Variants in PFKFB3 observed in about 807,000 individuals in gnomAD.
PFKFB3 encodes the protein 6-phosphofructo-2-kinase/fructose-2,6-bisphosphatase 3.
Under a neutral mutation model 68.0 loss-of-function variants are expected in PFKFB3, and 33 were observed. The observed-to-expected ratio is 0.49, with a 90% CI of 0.37 to 0.65. PFKFB3 has a LOEUF of 0.65. Ranked by LOEUF, PFKFB3 falls within the 30% of genes least tolerant of loss-of-function variation. The pLI is 0.00. For missense variants in PFKFB3, 586 were observed against 712.2 expected, an observed-to-expected ratio of 0.82 and a Z score of 2.02; for synonymous variants, 315 against 288.2, an observed-to-expected ratio of 1.09 and a Z score of -0.94.
At chr10:6,153,590 A>G (rs941488762) in intron 1 of PFKFB3, among the ~76,000 whole-genome samples, 5 of 152,198 alleles carry the variant, frequency 3.3e-5, no homozygotes, top group Non-Finnish European at 7.3e-5. Flanking sequence ...GAGGTGGCTC[A>G]CACCTCTAAT....
At chr10:6,293,310 C>A in the PFKFB3 span, 1 of 349,148 alleles carries the variant, frequency 2.9e-6, no homozygotes. Flanking sequence ...CCATTTCTGG[C>A]TACAGAACTG....
At chr10:6,317,290 G>GC in the PFKFB3 span, among the ~76,000 whole-genome samples, 1 of 152,146 alleles carries the variant, frequency 6.6e-6, no homozygotes, top group Non-Finnish European at 1.5e-5. Flanking sequence ...TGGGTGGCAG[G>GC]CATTCTCTCT....
chr10:6,260,944 T>A, the PFKFB3 span, among the ~76,000 whole-genome samples: 1 of 152,208 alleles, frequency 6.6e-6, no homozygotes, highest in East Asian at 1.9e-4. Context: ...AGGCATGTGT[T>A]CAATTTTGGT....
intron 1 of PFKFB3, among the ~76,000 whole-genome samples, chr10:6,153,744 A>G (rs2131686409): frequency 6.6e-6 from 1 of 152,094 alleles, no homozygotes; most frequent in South Asian, 2.1e-4. Flanking sequence ...AATCCCAGCT[A>G]CTCAGGAGGC....
At chr10:6,151,736 G>A (rs1841594489) in intron 1 of PFKFB3, among the ~76,000 whole-genome samples, 1 of 152,230 alleles carries the variant, frequency 6.6e-6, no homozygotes, top group African/African-American at 2.4e-5. Context: ...CGCTCCCTGA[G>A]AAGTGTGGAC....
upstream of PFKFB3, among the ~76,000 whole-genome samples, chr10:6,199,883 C>A (rs1344187613): frequency 6.6e-6 from 1 of 151,710 alleles, no homozygotes; most frequent in East Asian, 1.9e-4. Context: ...CCAAACAGCT[C>A]AATTGTTCTA....
At chr10:6,325,003 A>G in the PFKFB3 span, among the ~76,000 whole-genome samples, 1 of 151,190 alleles carries the variant, frequency 6.6e-6, no homozygotes, top group South Asian at 2.1e-4. Context: ...TCCCTCTGAC[A>G]CCCAGGCTGG....
chr10:6,300,518 A>G, the PFKFB3 span, among the ~76,000 whole-genome samples: 8 of 152,182 alleles, frequency 5.3e-5, 1 homozygote, highest in Admixed American at 4.6e-4. Flanking sequence ...AGCTGCCTTG[A>G]AAAGTCAAAG....
At chr10:6,254,097 CTTTTTT>C (rs34789693) in intron 14 of PFKFB3, 101 of 331,778 alleles carry the variant, frequency 3.0e-4, no homozygotes, top group Middle Eastern at 3.0e-3. Context: ...TTTCAGATGG[CTTTTTT>C]TTTTTTTTTT....
intron 1 of PFKFB3, among the ~76,000 whole-genome samples, chr10:6,172,828 A>G (rs1345055096): frequency 6.6e-6 from 1 of 151,914 alleles, no homozygotes; most frequent in Non-Finnish European, 1.5e-5. Context: ...TCTCAGAAAA[A>G]AAAAAAAAAG....
intron 14 of PFKFB3, among the ~76,000 whole-genome samples, chr10:6,242,592 ATT>A (rs377078975): frequency 2.5e-4 from 36 of 146,576 alleles, no homozygotes; most frequent in Non-Finnish European, 2.2e-4. Context: ...TTCTGTAAAC[ATT>A]TTTTTTTTTT....
At chr10:6,165,799 A>C (rs1019030667) in intron 1 of PFKFB3, among the ~76,000 whole-genome samples, 2 of 150,056 alleles carry the variant, frequency 1.3e-5, no homozygotes, top group African/African-American at 2.5e-5. Context: ...CCAGTATTTT[A>C]TTTTCTTTTT....
At chr10:6,276,918 A>G in the PFKFB3 span, among the ~76,000 whole-genome samples, 1 of 151,656 alleles carries the variant, frequency 6.6e-6, no homozygotes, top group Non-Finnish European at 1.5e-5. Context: ...CATCACCCAA[A>G]TCAAGATATA....
chr10:6,261,710 T>C, the PFKFB3 span, among the ~76,000 whole-genome samples: 1 of 151,938 alleles, frequency 6.6e-6, no homozygotes, highest in African/African-American at 2.4e-5. Flanking sequence ...AATACAAAAA[T>C]TAGGCCAGGC....
chr10:6,145,436 G>A (rs1200287517), intron 1 of PFKFB3, among the ~76,000 whole-genome samples: 1 of 152,148 alleles, frequency 6.6e-6, no homozygotes, highest in Admixed American at 6.5e-5. Flanking sequence ...GGCGGCACTT[G>A]CAGCGAATTC....
At chr10:6,219,788 TAAAA>T in intron 7 of PFKFB3, 95 bp downstream of exon 7, 1 of 1,392,724 alleles carries the variant, frequency 7.2e-7, no homozygotes, top group Non-Finnish European at 9.8e-7. Flanking sequence ...TGGATACCTT[TAAAA>T]AAATTTTTTT....
the PFKFB3 span, among the ~76,000 whole-genome samples, chr10:6,299,159 T>C: frequency 6.6e-6 from 1 of 152,246 alleles, no homozygotes; most frequent in African/African-American, 2.4e-5. Flanking sequence ...AAAGCATTAA[T>C]GGCTCACTCT....
At chr10:6,211,530 A>G (rs1415185685) in intron 1 of PFKFB3, among the ~76,000 whole-genome samples, 1 of 152,150 alleles carries the variant, frequency 6.6e-6, no homozygotes, top group East Asian at 1.9e-4. Flanking sequence ...TATGGCAGCT[A>G]CAGCTGCCAG....
Position 6,228,457 on chromosome 10 carries a change from G to A in PFKFB3, c.1515+2092G>A, listed in dbSNP as rs940743715. Among the ~76,000 whole-genome samples, 8 of 152,054 alleles carry A rather than the reference G, an allele frequency of 5.3e-5. No homozygotes were observed. Among genetic ancestry groups the A allele is most frequent in the Non-Finnish European group, 8.8e-5 (6 of 68,008 alleles). ...TGGGTGTGTTCCGACACCGCCGCAC[G>A]ACCGCTGGCTTCTCCCCTACCCTCT... On this transcript the variant is annotated intron_variant, in intron 14 of 14. Coordinates refer to ENST00000379775, the MANE Select transcript of PFKFB3 (RefSeq NM_004566.4). This position sits in a 1 kb window ranked among gnomAD's most constrained non-coding sequence, Gnocchi z 4.5.
Sources: allele counts gnomAD v4.1 joint callset (sites outside exome capture counted in the v4.1 genomes callset), GRCh38; gene constraint gnomAD v4.1.1; non-coding constraint Gnocchi (gnomAD v3.1); transcripts MANE v1.5; gene names NCBI Gene and HGNC (gene_info 2026-07-23, HGNC 2026-07-21).